ITPR1: variants seen among roughly 807,000 people sequenced by gnomAD.
ITPR1 encodes inositol 1,4,5-trisphosphate-gated calcium channel ITPR1.
A neutral mutation model predicts 318.4 loss-of-function variants in ITPR1; 96 were observed. The ratio of observed to expected loss-of-function variants is 0.30; its 90% CI spans 0.26 to 0.36. ITPR1 has a LOEUF of 0.36. ITPR1 is among the 10% of genes least tolerant of loss of function. The pLI, the probability that ITPR1 is intolerant of heterozygous loss-of-function variation, is 1.00. For missense variants in ITPR1, 2,440 were observed against 3,460.2 expected, an observed-to-expected ratio of 0.71 and a Z score of 7.40; for synonymous variants, 1,312 against 1,289.9, an observed-to-expected ratio of 1.02 and a Z score of -0.37.
At chr3:4,775,108 C>T (rs2046406788) in intron 46 of ITPR1, 134 bp from the exon 47 acceptor site, 9 of 727,764 alleles carry the variant, frequency 1.2e-5, no homozygotes, top group Admixed American at 2.1e-5. Context: ...CATACTGACT[C>T]TTCCATGCTC....
At chr3:4,800,364 T>C (rs1264247230) in intron 53 of ITPR1, 61 bp from the exon 54 acceptor site, 2 of 1,541,242 alleles carry the variant, frequency 1.3e-6, no homozygotes, top group Non-Finnish European at 1.8e-6. Flanking sequence ...ATGTTTTAGG[T>C]CTGTCCCCTG....
chr3:4,695,539 C>A (rs1474483599), intron 33 of ITPR1, among the ~76,000 whole-genome samples: 5 of 152,168 alleles, frequency 3.3e-5, no homozygotes, highest in African/African-American at 1.2e-4. Flanking sequence ...CCCCCATTCC[C>A]CTTTCCTGTC....
Position 4,662,190 on chromosome 3 carries a change from G to T in ITPR1, c.1360G>T (p.Gly454Cys). The change falls in exon 15 of 62, where the codon GGC becomes TGC. Residue 454 changes from glycine to cysteine, a missense_variant. Gly to Cys is a radical substitution (Grantham distance 159). This residue lies in a region of ITPR1 where 478 missense variants were observed against 696.3 expected (regional missense o/e 0.69). Transcript: ENST00000649015. ...DFANDASKVLGSIAGKLEKGT... is the reference protein window; with the variant it reads ...DFANDASKVLCSIAGKLEKGT... ...TGCCAATGATGCCAGCAAGGTGCTGGGCTCCATTGCTGGGAAGCTAGAGAA... is the reference window on the plus strand; with the variant it reads ...TGCCAATGATGCCAGCAAGGTGCTGTGCTCCATTGCTGGGAAGCTAGAGAA... 6.2e-7 allele frequency: 1 copy of T among 1,612,946 alleles called. No individual in the cohort carries two copies. Among genetic ancestry groups the T allele is most frequent in the Non-Finnish European group, 8.5e-7 (1 of 1,179,306 alleles).
At chr3:4,828,403 A>G (rs2050219336) in intron 60 of ITPR1, among the ~76,000 whole-genome samples, 1 of 152,196 alleles carries the variant, frequency 6.6e-6, no homozygotes, top group Non-Finnish European at 1.5e-5. Flanking sequence ...TTGGATGCTG[A>G]TGTGGGGAGA....
intron 18 of ITPR1, among the ~76,000 whole-genome samples, chr3:4,668,772 A>G (rs969105682): frequency 6.6e-6 from 1 of 151,992 alleles, no homozygotes; most frequent in African/African-American, 2.4e-5. Context: ...GGCCTCATTC[A>G]CTTTTTAGCA....
At chr3:4,775,878 A>G (rs529749071) in intron 47 of ITPR1, among the ~76,000 whole-genome samples, 1 of 152,358 alleles carries the variant, frequency 6.6e-6, no homozygotes, top group Non-Finnish European at 1.5e-5. Flanking sequence ...AAGTAATATA[A>G]GGACATTTTT....
At chr3:4,786,546 G>C (rs2047209431) in intron 51 of ITPR1, among the ~76,000 whole-genome samples, 1 of 152,198 alleles carries the variant, frequency 6.6e-6, no homozygotes, top group African/African-American at 2.4e-5. Context: ...GTTGCATCCT[G>C]GGCCTCACCT....
chr3:4,751,466 C>G (rs2044513295), intron 44 of ITPR1: 2 of 152,118 alleles, frequency 1.3e-5, no homozygotes, highest in Non-Finnish European at 2.9e-5. Flanking sequence ...AGAGCAGAGA[C>G]ACTTAGAAGA....
At chr3:4,593,571 A>G (rs2090559251) in intron 4 of ITPR1, among the ~76,000 whole-genome samples, 1 of 152,262 alleles carries the variant, frequency 6.6e-6, no homozygotes, top group Admixed American at 6.5e-5. Context: ...ATTCAGAAAC[A>G]TAAACTGATA....
At chr3:4,746,372 C>G (rs1387253446) in intron 44 of ITPR1, among the ~76,000 whole-genome samples, 2 of 152,218 alleles carry the variant, frequency 1.3e-5, no homozygotes, top group South Asian at 4.1e-4. Flanking sequence ...TCCACTCACT[C>G]CCCTACGCTT....
intron 4 of ITPR1, among the ~76,000 whole-genome samples, chr3:4,525,121 G>A (rs926361461): frequency 7.2e-5 from 11 of 151,912 alleles, no homozygotes; most frequent in African/African-American, 2.4e-4. Flanking sequence ...GGGTGGGGAC[G>A]TGCACATGAA....
At chr3:4,577,312 A>G (rs1010994181) in intron 4 of ITPR1, among the ~76,000 whole-genome samples, 2 of 152,218 alleles carry the variant, frequency 1.3e-5, no homozygotes, top group African/African-American at 2.4e-5. Context: ...GATCGTGTAC[A>G]GCAGTGCTTT....
intron 5 of ITPR1, among the ~76,000 whole-genome samples, chr3:4,638,006 A>T (rs114500538): frequency 0.012 from 1,874 of 152,300 alleles, 39 homozygotes; most frequent in African/African-American, 0.042. Flanking sequence ...TGGCCCTAAA[A>T]GGCTTGTATT....
chr3:4,616,135 T>A (rs2092379822), intron 4 of ITPR1, among the ~76,000 whole-genome samples: 1 of 152,170 alleles, frequency 6.6e-6, no homozygotes, highest in Non-Finnish European at 1.5e-5. Context: ...TGAACTGGAG[T>A]TAATTGCTTG....
intron 34 of ITPR1, among the ~76,000 whole-genome samples, chr3:4,699,231 C>T (rs1036778543): frequency 1.3e-5 from 2 of 151,972 alleles, no homozygotes; most frequent in Non-Finnish European, 2.9e-5. Context: ...GTGGTGGGCA[C>T]CTGTAATCCC....
intron 44 of ITPR1, chr3:4,750,489 C>T (rs2125344131): frequency 1.3e-5 from 2 of 152,254 alleles, no homozygotes; most frequent in South Asian, 2.1e-4. Flanking sequence ...TTTATATCCT[C>T]CTTGCTCACT....
intron 37 of ITPR1, among the ~76,000 whole-genome samples, chr3:4,708,596 G>A (rs933134272): frequency 5.3e-5 from 8 of 152,162 alleles, no homozygotes; most frequent in African/African-American, 7.2e-5. Flanking sequence ...GTATTTTCTC[G>A]CCTGCTCAAA....
intron 2 of ITPR1, among the ~76,000 whole-genome samples, chr3:4,500,102 A>G (rs761452101): frequency 4.6e-5 from 7 of 152,186 alleles, no homozygotes; most frequent in African/African-American, 1.2e-4. Context: ...TGATTTCTGT[A>G]TAACAAGATG....
At chr3:4,695,211 C>T (rs1251155555) in intron 33 of ITPR1, among the ~76,000 whole-genome samples, 1 of 152,144 alleles carries the variant, frequency 6.6e-6, no homozygotes, top group Admixed American at 6.5e-5. Flanking sequence ...GCATTCTTTT[C>T]ACAGTCTTGG....
Sources: gnomAD v4.1 joint callset for allele counts (sites outside exome capture counted in the v4.1 genomes callset) on GRCh38, gnomAD v4.1.1 for gene constraint, gnomAD v4.1.1 regional missense constraint, MANE v1.5 for transcripts, NCBI Gene and HGNC (gene_info 2026-07-23, HGNC 2026-07-21) for gene names.